The following SEC14L1 variants were observed in gnomAD, a reference collection of about 807,000 sequenced individuals.
SEC14L1 encodes SEC14 like lipid binding 1, also known as SEC14-like protein 1.
A neutral mutation model predicts 85.3 loss-of-function variants in SEC14L1; 48 were observed. That is an observed-to-expected ratio of 0.56 (90% CI 0.45 to 0.72). The LOEUF (loss-of-function observed/expected upper bound fraction) is 0.72. Ranked by LOEUF, SEC14L1 falls within the 30% of genes least tolerant of loss-of-function variation. The pLI, the probability that SEC14L1 is intolerant of heterozygous loss-of-function variation, is 0.00. For missense variants in SEC14L1, 682 were observed against 921.4 expected, an observed-to-expected ratio of 0.74 and a Z score of 3.36; for synonymous variants, 391 against 355.5, an observed-to-expected ratio of 1.10 and a Z score of -1.12.
intron 3 of SEC14L1, among the ~76,000 whole-genome samples, chr17:77,109,564 C>G (rs545173096): frequency 6.6e-6 from 1 of 152,286 alleles, no homozygotes; most frequent in Admixed American, 6.5e-5. Flanking sequence ...GCACGGGTGA[C>G]TCCATTTTGA....
At chr17:77,211,722 G>T (rs1050133084) in intron 14 of SEC14L1, 36 of 577,420 alleles carry the variant, frequency 6.2e-5, no homozygotes, top group Admixed American at 1.5e-4. Context: ...ACCTCTAGGT[G>T]CAGGTCACAA....
chr17:77,138,458 A>G (rs2143477722), upstream of SEC14L1, among the ~76,000 whole-genome samples: 1 of 152,042 alleles, frequency 6.6e-6, no homozygotes, highest in East Asian at 1.9e-4. Flanking sequence ...CGTCTCTACT[A>G]AAAATAAAAA....
chr17:77,216,417 G>A lies in SEC14L1; in HGVS notation c.*2394G>A. The A allele has an allele frequency of 6.4e-7, 1 of 1,559,564 alleles. No homozygotes were observed. The highest frequency in any genetic ancestry group is 1.2e-5 in the South Asian group (1 of 82,764). ...GGCTAGTAGGTAGGGTTCGTAGGTA[G>A]GGTTCGTAGGTAGGGTTCGTAGGTA... On this transcript the variant is annotated 3_prime_UTR_variant, in exon 17 of 17. Transcript: ENST00000436233.
intron 3 of SEC14L1, among the ~76,000 whole-genome samples, chr17:77,113,894 C>T (rs1416754024): frequency 3.3e-5 from 5 of 152,192 alleles, no homozygotes; most frequent in African/African-American, 4.8e-5. Context: ...AAAGCTTCCG[C>T]TTCCCTCTGC....
upstream of SEC14L1, among the ~76,000 whole-genome samples, chr17:77,140,282 T>G (rs529231418): frequency 4.6e-5 from 7 of 152,324 alleles, no homozygotes; most frequent in East Asian, 1.4e-3. Context: ...CGTCTCAGTT[T>G]CAAGCCCGCG....
At chr17:77,198,050 G>T (rs1327233195) in intron 8 of SEC14L1, among the ~76,000 whole-genome samples, 1 of 152,238 alleles carries the variant, frequency 6.6e-6, no homozygotes, top group Non-Finnish European at 1.5e-5. Context: ...TCTATAAAAT[G>T]TGAGAAGTGT....
chr17:77,121,656 C>T (rs144160393), intron 3 of SEC14L1, among the ~76,000 whole-genome samples: 30 of 152,176 alleles, frequency 2.0e-4, no homozygotes, highest in Admixed American at 3.9e-4. Context: ...CGCACCCGGC[C>T]CATGTGCACT....
chr17:77,146,727 C>A (rs970910383), intron 3 of SEC14L1, among the ~76,000 whole-genome samples: 1 of 151,808 alleles, frequency 6.6e-6, no homozygotes, highest in Non-Finnish European at 1.5e-5. Flanking sequence ...CACAGACGCA[C>A]ACACACGCAC....
At chr17:77,119,728 C>G (rs1255691170) in intron 3 of SEC14L1, among the ~76,000 whole-genome samples, 1 of 152,180 alleles carries the variant, frequency 6.6e-6, no homozygotes, top group Non-Finnish European at 1.5e-5. Context: ...GGCCCTTACA[C>G]TCCAGCAGTT....
At chr17:77,113,201 C>A (rs1225425616) in intron 3 of SEC14L1, among the ~76,000 whole-genome samples, 3 of 152,100 alleles carry the variant, frequency 2.0e-5, no homozygotes, top group African/African-American at 7.2e-5. Flanking sequence ...ATGCTTTTTA[C>A]TAGGATTTTT....
chr17:77,148,844 GC>G (rs1871601135), intron 3 of SEC14L1, among the ~76,000 whole-genome samples: 2 of 152,216 alleles, frequency 1.3e-5, no homozygotes, highest in Admixed American at 1.3e-4. Flanking sequence ...GCACGTCTCA[GC>G]TCCTGTGCTT....
chr17:77,206,921 T>C lies in SEC14L1; in HGVS notation c.1476+59T>C. ...CCCTTATGCAGGTGGGAGAGGTCGG[T>C]GTCGATTTGCACAAATGATTTTCAG... On this transcript the variant is annotated intron_variant, in intron 13 of 16. Coordinates refer to ENST00000436233, the MANE Select transcript of SEC14L1 (RefSeq NM_001143998.2). The surrounding 1 kb of genome is among the most constrained non-coding windows in gnomAD (Gnocchi z 4.3). 7.0e-7 allele frequency: 1 copy of C among 1,432,476 alleles called. No individual in the cohort carries two copies. Among genetic ancestry groups the C allele is most frequent in the Middle Eastern group, 1.9e-4 (1 of 5,360 alleles). 88.7% of individuals were successfully genotyped at this position (1,432,476 alleles called of 1,614,324 possible). A position where few individuals can be genotyped will look rare whatever the true frequency, so the allele number is the denominator to read the frequency against.
chr17:77,174,469 A>G (rs1338751574), intron 3 of SEC14L1, among the ~76,000 whole-genome samples: 1 of 152,160 alleles, frequency 6.6e-6, no homozygotes, highest in African/African-American at 2.4e-5. Context: ...TTCAACCTCC[A>G]GGATGTCCTG....
chr17:77,128,423 T>A (rs867150109), intron 3 of SEC14L1, among the ~76,000 whole-genome samples: 55 of 64,136 alleles, frequency 8.6e-4, no homozygotes, highest in East Asian at 3.2e-3. Flanking sequence ...TTATTTTATT[T>A]TATTTTATTT....
At position 77,191,235 on chromosome 17, in the gene SEC14L1, GA is replaced by G; in HGVS notation, c.270del (p.Glu90AspfsTer43). ...CCAGAAAAACTCACTGAATTCTCGG[GA>G]ACGTACTTTGCACATTGAGGCTTAT... ...FVQKNSLNSR[E>X]RTLHIEAYNE... On this transcript the variant is annotated frameshift_variant, in exon 5 of 17. Transcript: ENST00000436233. LOFTEE classifies it high-confidence loss of function. 1.2e-6 allele frequency: 2 copies of G among 1,613,846 alleles called. No individual in the cohort carries two copies. The highest frequency in any genetic ancestry group is 1.7e-6 in the Non-Finnish European group (2 of 1,179,770).
In SEC14L1 at chr17:77,206,270, G is replaced by A; in HGVS notation, c.1211G>A (p.Arg404His). Residue 404 changes from arginine to histidine, a missense_variant, in exon 12 of 17, where the codon CGC becomes CAC. Coordinates refer to ENST00000436233, the MANE Select transcript of SEC14L1 (RefSeq NM_001143998.2). This position sits in a 1 kb window ranked among gnomAD's most constrained non-coding sequence, Gnocchi z 4.3. ...CLVDLEGLNM[R>H]HLWRPGVKAL... ...GTGGACTTGGAAGGGCTGAACATGC[G>A]CCACTTGTGGAGACCTGGTGTGAAA... 6.2e-7 allele frequency: 1 copy of A among 1,614,122 alleles called. No individual in the cohort carries two copies. The highest frequency in any genetic ancestry group is 8.5e-7 in the Non-Finnish European group (1 of 1,180,004).
At chr17:77,187,652 A>G (rs1212977981) in intron 3 of SEC14L1, among the ~76,000 whole-genome samples, 1 of 151,600 alleles carries the variant, frequency 6.6e-6, no homozygotes, top group Non-Finnish European at 1.5e-5. Context: ...TGCTGGGATT[A>G]CAGACGTGAG....
chr17:77,131,455 AGAT>A (rs1460306340), intron 3 of SEC14L1, among the ~76,000 whole-genome samples: 1 of 152,090 alleles, frequency 6.6e-6, no homozygotes, highest in Non-Finnish European at 1.5e-5. Context: ...TTTTTAGTAG[AGAT>A]GCAGTTTTAC....
At chr17:77,096,675 C>G (rs1971656551) in intron 3 of SEC14L1, among the ~76,000 whole-genome samples, 1 of 152,126 alleles carries the variant, frequency 6.6e-6, no homozygotes, top group South Asian at 2.1e-4. Context: ...AATCCAACAC[C>G]AGACTGTGTT....
Sources: gnomAD v4.1 joint callset for allele counts (sites outside exome capture counted in the v4.1 genomes callset) on GRCh38, gnomAD v4.1.1 for gene constraint, Gnocchi (gnomAD v3.1) non-coding constraint, MANE v1.5 for transcripts, NCBI Gene and HGNC (gene_info 2026-07-23, HGNC 2026-07-21) for gene names.